The following DCDC1 variants were observed in gnomAD, a reference collection of about 807,000 sequenced individuals.
The protein encoded by DCDC1 is doublecortin domain-containing protein 1.
In DCDC1, 200 loss-of-function variants were observed where a neutral mutation model predicts 178.3. That is an observed-to-expected ratio of 1.12 (90% CI 1.00 to 1.26). The LOEUF (loss-of-function observed/expected upper bound fraction) is 1.26. Among genes scored for constraint, DCDC1 ranks in the 50% most tolerant of loss-of-function variants. The pLI, the probability that DCDC1 is intolerant of heterozygous loss-of-function variation, is 0.00. For synonymous variants in DCDC1, 690 were observed against 604.8 expected, an observed-to-expected ratio of 1.14 and a Z score of -2.07; for missense variants, 1,983 against 1,749.2, an observed-to-expected ratio of 1.13 and a Z score of -2.38.
At chr11:31,227,507 G>A (rs565051379) in intron 9 of DCDC1, among the ~76,000 whole-genome samples, 13 of 151,868 alleles carry the variant, frequency 8.6e-5, no homozygotes, top group South Asian at 4.2e-4. Flanking sequence ...ATGACACTTG[G>A]GGGGAAAAAA....
chr11:31,022,907 T>A (rs951033293), intron 20 of DCDC1, among the ~76,000 whole-genome samples: 1 of 152,082 alleles, frequency 6.6e-6, no homozygotes, highest in Non-Finnish European at 1.5e-5. Flanking sequence ...ATGAATGGTG[T>A]CCTAATGTCA....
intron 20 of DCDC1, among the ~76,000 whole-genome samples, chr11:31,017,201 T>C (rs575192859): frequency 6.6e-6 from 1 of 152,230 alleles, no homozygotes; most frequent in Admixed American, 6.5e-5. Flanking sequence ...CAACACAAAT[T>C]TGAGCTTTGA....
chr11:30,919,427 AG>A (rs1336682615), intron 25 of DCDC1, among the ~76,000 whole-genome samples: 1 of 152,218 alleles, frequency 6.6e-6, no homozygotes, highest in Non-Finnish European at 1.5e-5. Flanking sequence ...TTTAACCTCA[AG>A]GACTCCAGGC....
chr11:31,178,934 G>A (rs1480354396), intron 9 of DCDC1, among the ~76,000 whole-genome samples: 1 of 152,058 alleles, frequency 6.6e-6, no homozygotes, highest in African/African-American at 2.4e-5. Context: ...CTTGTGACTT[G>A]CCCACCTCAG....
chr11:30,888,177 AG>A (rs1943471946), intron 36 of DCDC1, among the ~76,000 whole-genome samples: 1 of 151,126 alleles, frequency 6.6e-6, no homozygotes, highest in Non-Finnish European at 1.5e-5. Context: ...AGAAAGAAAG[AG>A]AAAGGAAGGA....
chr11:31,342,301 G>T (rs1565636007), intron 1 of DCDC1, among the ~76,000 whole-genome samples: 1 of 152,208 alleles, frequency 6.6e-6, no homozygotes, highest in African/African-American at 2.4e-5. Context: ...ATTGACATAA[G>T]AGAATGATCA....
intron 20 of DCDC1, among the ~76,000 whole-genome samples, chr11:31,026,726 A>G (rs1352812107): frequency 2.6e-5 from 4 of 151,814 alleles, no homozygotes; most frequent in Non-Finnish European, 5.9e-5. Flanking sequence ...AATTATCACA[A>G]TGGAATATTT....
At chr11:31,308,037 T>A in intron 3 of DCDC1, 129 bp from the exon 4 acceptor site, 2 of 1,206,254 alleles carry the variant, frequency 1.7e-6, no homozygotes, top group Non-Finnish European at 2.3e-6. Flanking sequence ...TTATTTTGTT[T>A]AATGCCTACA....
chr11:31,052,382 T>C (rs1955316217), intron 20 of DCDC1, among the ~76,000 whole-genome samples: 1 of 152,178 alleles, frequency 6.6e-6, no homozygotes, highest in African/African-American at 2.4e-5. Flanking sequence ...AGAAATGAGA[T>C]AGACCACAAC....
intron 6 of DCDC1, 127 bp from the exon 7 acceptor site, chr11:31,290,979 C>A: frequency 1.2e-6 from 1 of 822,572 alleles, no homozygotes; most frequent in Non-Finnish European, 1.9e-6. Context: ...TGCTGGTTTT[C>A]TGAAATGCTA....
chr11:31,146,690 G>A (rs751324286), intron 9 of DCDC1, among the ~76,000 whole-genome samples: 10 of 152,116 alleles, frequency 6.6e-5, no homozygotes, highest in Non-Finnish European at 1.5e-4. Context: ...GTGCTTCCTA[G>A]ATGATCCAAC....
intron 9 of DCDC1, among the ~76,000 whole-genome samples, chr11:31,144,339 C>T (rs1183001120): frequency 1.3e-5 from 2 of 151,886 alleles, no homozygotes; most frequent in African/African-American, 2.4e-5. Flanking sequence ...GACGGGGTTT[C>T]ACCATGTTGC....
chr11:30,997,312 G>C (rs978439344), intron 20 of DCDC1, among the ~76,000 whole-genome samples: 2 of 152,174 alleles, frequency 1.3e-5, no homozygotes, highest in African/African-American at 4.8e-5. Context: ...GTATGCTGAA[G>C]AGTGGCTTTT....
chr11:31,010,011 G>A (rs1455380342), intron 20 of DCDC1, among the ~76,000 whole-genome samples: 1 of 152,144 alleles, frequency 6.6e-6, no homozygotes, highest in East Asian at 1.9e-4. Context: ...CTCCCACTGG[G>A]TCCCTTGCCC....
chr11:31,348,654 T>C (rs1280953291), intron 1 of DCDC1, among the ~76,000 whole-genome samples: 1 of 152,084 alleles, frequency 6.6e-6, no homozygotes, highest in Non-Finnish European at 1.5e-5. Context: ...ACTTCAGGTG[T>C]GTTAAAATAT....
chr11:31,327,878 T>C (rs1197120248), intron 3 of DCDC1, among the ~76,000 whole-genome samples: 1 of 151,816 alleles, frequency 6.6e-6, no homozygotes, highest in African/African-American at 2.4e-5. Flanking sequence ...CAGGTTCCCA[T>C]GACCATGTCC....
chr11:30,974,564 C>T (rs1949997851), intron 20 of DCDC1, among the ~76,000 whole-genome samples: 1 of 152,044 alleles, frequency 6.6e-6, no homozygotes, highest in East Asian at 1.9e-4. Context: ...AAAAGCTCAT[C>T]AGAGACTATT....
chr11:30,978,331 T>C (rs1207457108), intron 20 of DCDC1, among the ~76,000 whole-genome samples: 1 of 152,192 alleles, frequency 6.6e-6, no homozygotes, highest in Non-Finnish European at 1.5e-5. Flanking sequence ...CTTACTACAC[T>C]ACAAGTTCTG....
At chr11:30,981,496 G>A (rs548670447) in intron 20 of DCDC1, among the ~76,000 whole-genome samples, 7 of 152,108 alleles carry the variant, frequency 4.6e-5, no homozygotes, top group African/African-American at 1.7e-4. Flanking sequence ...TAACATAAAC[G>A]GTGTGTGATT....
Sources: allele counts gnomAD v4.1 joint callset (sites outside exome capture counted in the v4.1 genomes callset), GRCh38; gene constraint gnomAD v4.1.1; transcripts MANE v1.5; gene names NCBI Gene and HGNC (gene_info 2026-07-23, HGNC 2026-07-21).